The following SV2C variants were observed in gnomAD, a reference collection of about 807,000 sequenced individuals.
SV2C encodes the protein synaptic vesicle glycoprotein 2C.
SV2C carries 49 observed loss-of-function variants against 79.7 expected under a neutral mutation model. The ratio of observed to expected loss-of-function variants is 0.61; its 90% CI spans 0.49 to 0.78. The LOEUF is 0.78. Ranked by LOEUF, SV2C falls within the 30% of genes least tolerant of loss-of-function variation. The pLI is 0.00. For synonymous variants in SV2C, 334 were observed against 333.2 expected (o/e 1.00, Z -0.03); for missense variants, 833 against 912.9 (o/e 0.91, Z 1.13).
the SV2C span, among the ~76,000 whole-genome samples, chr5:76,039,124 A>G: frequency 6.6e-6 from 1 of 152,240 alleles, no homozygotes; most frequent in Non-Finnish European, 1.5e-5. Flanking sequence ...AGTGGAACTG[A>G]TGAGACCTCA....
chr5:75,864,709 C>T, the SV2C span, among the ~76,000 whole-genome samples: 1 of 152,202 alleles, frequency 6.6e-6, no homozygotes. Context: ...AGCAAGTATT[C>T]AGAGGTATGC....
At chr5:76,351,294 A>G (rs1749636502) in intron 12 of SV2C, among the ~76,000 whole-genome samples, 1 of 152,140 alleles carries the variant, frequency 6.6e-6, no homozygotes, top group South Asian at 2.1e-4. Context: ...AAAACAATAA[A>G]AAAATTAGCC....
At chr5:76,193,354 G>A (rs1744165475) in intron 2 of SV2C, among the ~76,000 whole-genome samples, 1 of 152,040 alleles carries the variant, frequency 6.6e-6, no homozygotes, top group Non-Finnish European at 1.5e-5. Flanking sequence ...TAGTCTAGGG[G>A]GCAGTAGGAA....
the SV2C span, among the ~76,000 whole-genome samples, chr5:76,010,080 T>A: frequency 9.3e-5 from 14 of 150,884 alleles, no homozygotes; most frequent in Admixed American, 4.0e-4. Flanking sequence ...TGTTTTTCAC[T>A]GTTGTATCCC....
the SV2C span, among the ~76,000 whole-genome samples, chr5:75,917,834 T>C: frequency 6.6e-6 from 1 of 152,184 alleles, no homozygotes; most frequent in African/African-American, 2.4e-5. Context: ...TTGGATTGTT[T>C]GTTACTCAAA....
chr5:76,080,635 C>T (rs941292874), upstream of SV2C, among the ~76,000 whole-genome samples: 13 of 152,128 alleles, frequency 8.5e-5, no homozygotes, highest in Non-Finnish European at 1.5e-4. Context: ...TTTGCTGATG[C>T]GAAAACAGAC....
intron 4 of SV2C, among the ~76,000 whole-genome samples, chr5:76,267,860 A>C (rs1320937497): frequency 6.6e-6 from 1 of 152,256 alleles, no homozygotes; most frequent in Non-Finnish European, 1.5e-5. Context: ...GGGTACAGGC[A>C]ACAGAAATTA....
chr5:75,911,001 C>A, the SV2C span: 58 of 1,004,234 alleles, frequency 5.8e-5, no homozygotes, highest in East Asian at 1.3e-3. Flanking sequence ...AGTCCTCTTA[C>A]CTCACCTACT....
Position 76,294,304 on chromosome 5 carries a change from C to CTTT in SV2C, c.1338-1458_1338-1456dup, listed in dbSNP as rs70979391. On this transcript the variant is annotated intron_variant, in intron 8 of 12. Transcript: ENST00000502798. The stretch of plus-strand genomic sequence containing the variant: ...ATTTTGTTTCATTCATTCTCTCTCT[C>CTTT]TTTTTTTTTTTTTTTTTTGATGGAG... Among the ~76,000 whole-genome samples the CTTT allele has an allele frequency of 7.0e-3, 909 of 129,480 alleles. 14 individuals are homozygous for CTTT. Among genetic ancestry groups the CTTT allele is most frequent in the East Asian group, 0.018 (79 of 4,398 alleles). The allele number at this position is 129,480 out of a possible 152,430, so 84.9% of individuals were successfully genotyped here. A position where few individuals can be genotyped will look rare whatever the true frequency, so the allele number is the denominator to read the frequency against.
At chr5:76,031,200 A>G in the SV2C span, among the ~76,000 whole-genome samples, 1 of 152,182 alleles carries the variant, frequency 6.6e-6, no homozygotes, top group South Asian at 2.1e-4. Context: ...ACTGATCATC[A>G]TTTGGTCCCT....
At chr5:76,223,264 T>C (rs187100684) in intron 4 of SV2C, among the ~76,000 whole-genome samples, 48 of 151,296 alleles carry the variant, frequency 3.2e-4, no homozygotes, top group African/African-American at 1.1e-3. Context: ...ATATATTCTA[T>C]AAAAATTTTA....
At chr5:75,901,245 A>C in the SV2C span, among the ~76,000 whole-genome samples, 2 of 151,954 alleles carry the variant, frequency 1.3e-5, no homozygotes, top group African/African-American at 2.4e-5. Flanking sequence ...GATGATGGTG[A>C]TGTACAGATG....
At chr5:75,929,773 T>C in the SV2C span, among the ~76,000 whole-genome samples, 92,132 of 151,356 alleles carry the variant, frequency 0.61, 29,588 homozygotes, top group African/African-American at 0.83. Context: ...TTTATGTAGT[T>C]TTATACTCTG....
chr5:75,998,614 G>A, the SV2C span, among the ~76,000 whole-genome samples: 1 of 151,994 alleles, frequency 6.6e-6, no homozygotes, highest in Non-Finnish European at 1.5e-5. Flanking sequence ...TAGTGTGTGT[G>A]TGTATGTGTG....
chr5:76,000,463 C>T, the SV2C span, among the ~76,000 whole-genome samples: 1 of 152,140 alleles, frequency 6.6e-6, no homozygotes, highest in African/African-American at 2.4e-5. Flanking sequence ...GCTGGGCCTG[C>T]CTCACATCTG....
intron 6 of SV2C, among the ~76,000 whole-genome samples, chr5:76,290,343 T>G (rs929381135): frequency 4.6e-5 from 7 of 152,276 alleles, no homozygotes; most frequent in African/African-American, 1.7e-4. Context: ...AGTTACCCCT[T>G]TAAATGTTGG....
the SV2C span, among the ~76,000 whole-genome samples, chr5:76,066,407 T>A: frequency 7.9e-6 from 1 of 127,028 alleles, no homozygotes; most frequent in Non-Finnish European, 1.6e-5. Context: ...ATGAGAACAC[T>A]TGGACACAGG....
chr5:75,848,972 C>T, the SV2C span, among the ~76,000 whole-genome samples: 3 of 152,184 alleles, frequency 2.0e-5, no homozygotes, highest in South Asian at 2.1e-4. Context: ...ATTAAATATT[C>T]GGCACGTAGT....
At chr5:75,897,777 C>G in the SV2C span, among the ~76,000 whole-genome samples, 3 of 151,848 alleles carry the variant, frequency 2.0e-5, no homozygotes, top group East Asian at 5.8e-4. Context: ...TTGAAGAGGT[C>G]CTTCACGTCC....
Sources: allele counts gnomAD v4.1 joint callset (sites outside exome capture counted in the v4.1 genomes callset), GRCh38; gene constraint gnomAD v4.1.1; transcripts MANE v1.5; gene names NCBI Gene and HGNC (gene_info 2026-07-23, HGNC 2026-07-21).